CDH10: variants seen among roughly 807,000 people sequenced by gnomAD.
CDH10 encodes cadherin 10, also known as cadherin-10.
CDH10 carries 30 observed loss-of-function variants against 73.1 expected under a neutral mutation model. The ratio of observed to expected loss-of-function variants is 0.41; its 90% confidence interval spans 0.31 to 0.56. The LOEUF is 0.56. Among genes scored for constraint, CDH10 ranks in the 20% least tolerant of loss-of-function variants. CDH10 has a pLI of 0.27. For synonymous variants in CDH10, 345 were observed against 348.2 expected, an observed-to-expected ratio of 0.99 and a Z score of 0.10; for missense variants, 815 against 973.7, an observed-to-expected ratio of 0.84 and a Z score of 2.17.
At chr5:24,596,424 C>T (rs1746373770) in intron 1 of CDH10, among the ~76,000 whole-genome samples, 1 of 151,712 alleles carries the variant, frequency 6.6e-6, no homozygotes, top group Non-Finnish European at 1.5e-5. Flanking sequence ...TCATTTCATG[C>T]AAACAGCATA....
chr5:24,573,641 C>T (rs1182979506), intron 2 of CDH10, among the ~76,000 whole-genome samples: 1 of 147,358 alleles, frequency 6.8e-6, no homozygotes, highest in African/African-American at 2.5e-5. Context: ...GCGGAGCTTG[C>T]AGTGAGCGGA....
chr5:24,640,884 T>C (rs1309091620), intron 1 of CDH10, among the ~76,000 whole-genome samples: 2 of 151,906 alleles, frequency 1.3e-5, no homozygotes, highest in African/African-American at 4.8e-5. Context: ...TAAAGCACTT[T>C]CATTCTTAAA....
intron 2 of CDH10, among the ~76,000 whole-genome samples, chr5:24,576,811 G>A (rs922201315): frequency 5.9e-5 from 9 of 151,944 alleles, no homozygotes; most frequent in Admixed American, 2.6e-4. Flanking sequence ...TTAGTGACTA[G>A]TTTCCAAAAG....
rs1354492264 is a variant in CDH10 at position 24,509,809 on chromosome 5, T to G, written c.1013A>C (p.Tyr338Ser). The change falls in exon 7 of 12, where the codon TAT becomes TCT. Residue 338 changes from tyrosine to serine, a missense_variant. Coordinates refer to ENST00000264463, the MANE Select transcript of CDH10 (RefSeq NM_006727.5). Reference sequence around the variant, plus strand: ...CAGAGTATAAAGTCTTCGGCTCTCATAGTCGAGTGGCTGTATAAAAAAATA... The same window carrying G: ...CAGAGTATAAAGTCTTCGGCTCTCAGAGTCGAGTGGCTGTATAAAAAAATA... ...GIITVKKPLDYESRRLYTLKV... is the reference protein window; with the variant it reads ...GIITVKKPLDSESRRLYTLKV... The G allele has an allele frequency of 6.2e-7, 1 of 1,607,330 alleles. No individual in the cohort carries two copies. The highest frequency in any genetic ancestry group is 2.2e-5 in the East Asian group (1 of 44,814).
At chr5:24,492,283 G>A (rs561833376) in intron 10 of CDH10, among the ~76,000 whole-genome samples, 6 of 152,314 alleles carry the variant, frequency 3.9e-5, no homozygotes, top group African/African-American at 9.6e-5. Flanking sequence ...TAAATTTCAC[G>A]CATTGTTGCA....
At chr5:24,641,629 C>T (rs879846933) in intron 1 of CDH10, among the ~76,000 whole-genome samples, 11 of 151,906 alleles carry the variant, frequency 7.2e-5, no homozygotes, top group African/African-American at 1.4e-4. Context: ...AGTGTCATTC[C>T]GAGAACGCTT....
At chr5:24,526,677 C>T (rs1458201349) in intron 5 of CDH10, among the ~76,000 whole-genome samples, 3 of 151,918 alleles carry the variant, frequency 2.0e-5, no homozygotes, top group African/African-American at 7.2e-5. Flanking sequence ...AATTCCTCTT[C>T]TCTTCAGCAT....
chr5:24,610,281 C>G (rs1746899991), intron 1 of CDH10, among the ~76,000 whole-genome samples: 1 of 152,046 alleles, frequency 6.6e-6, no homozygotes, highest in Non-Finnish European at 1.5e-5. Flanking sequence ...GCAAAGAATC[C>G]TAAACATACA....
intron 5 of CDH10, among the ~76,000 whole-genome samples, chr5:24,522,200 TA>T (rs34132100): frequency 0.49 from 73,660 of 151,258 alleles, 18,029 homozygotes; most frequent in East Asian, 0.58. Context: ...TTGTGAGTGT[TA>T]AAAAAAAAGA....
intron 2 of CDH10, among the ~76,000 whole-genome samples, chr5:24,573,583 C>T: frequency 6.6e-6 from 1 of 151,258 alleles, no homozygotes; most frequent in Admixed American, 6.6e-5. Flanking sequence ...CACCTGTAGT[C>T]CCAGCTACTC....
At chr5:24,576,062 G>A (rs1745589441) in intron 2 of CDH10, among the ~76,000 whole-genome samples, 1 of 152,070 alleles carries the variant, frequency 6.6e-6, no homozygotes, top group Admixed American at 6.5e-5. Context: ...CTACAAACCT[G>A]CCAATAACAT....
At chr5:24,497,708 C>T (rs1299572843) in intron 9 of CDH10, among the ~76,000 whole-genome samples, 2 of 152,114 alleles carry the variant, frequency 1.3e-5, no homozygotes, top group Admixed American at 6.6e-5. Flanking sequence ...ATTTATACCA[C>T]GCAGCTTCCT....
chr5:24,592,706 G>A (rs1052661908), intron 2 of CDH10, among the ~76,000 whole-genome samples: 21 of 151,408 alleles, frequency 1.4e-4, no homozygotes, highest in African/African-American at 3.1e-4. Context: ...CTTCCTATTC[G>A]TTTTTCTTTA....
intron 2 of CDH10, among the ~76,000 whole-genome samples, chr5:24,568,325 A>T (rs749133073): frequency 2.0e-5 from 3 of 152,216 alleles, no homozygotes; most frequent in Non-Finnish European, 4.4e-5. Context: ...CAATTAAAAA[A>T]AGATCAAAGA....
At chr5:24,639,601 T>G (rs138283322) in intron 1 of CDH10, among the ~76,000 whole-genome samples, 1 of 151,826 alleles carries the variant, frequency 6.6e-6, no homozygotes, top group East Asian at 1.9e-4. Flanking sequence ...GTTTCCCAAA[T>G]TTCCAACTGG....
intron 11 of CDH10, among the ~76,000 whole-genome samples, chr5:24,489,466 T>C (rs74709658): frequency 0.011 from 1,657 of 152,268 alleles, 31 homozygotes; most frequent in African/African-American, 0.038. Context: ...ATATGCCATT[T>C]TATTTTGCCT....
intron 5 of CDH10, among the ~76,000 whole-genome samples, chr5:24,527,738 C>T (rs762204534): frequency 3.3e-5 from 5 of 151,676 alleles, no homozygotes; most frequent in Non-Finnish European, 5.9e-5. Context: ...ATAGGTGGTC[C>T]GTCATTGACT....
At chr5:24,510,623 T>TG (rs1742869689) in intron 6 of CDH10, among the ~76,000 whole-genome samples, 1 of 152,234 alleles carries the variant, frequency 6.6e-6, no homozygotes. Context: ...TGCTAGTCAC[T>TG]GTCCATTTAA....
In CDH10 at chr5:24,487,365, T is replaced by C; in HGVS notation, c.*298A>G. 1 of 260,784 alleles carries C rather than the reference T, an allele frequency of 3.8e-6. No homozygotes were observed. Among genetic ancestry groups the C allele is most frequent in the Non-Finnish European group, 7.3e-6 (1 of 136,516 alleles). 16.2% of individuals were successfully genotyped at this position (260,784 alleles called of 1,614,324 possible). On this transcript the variant is annotated 3_prime_UTR_variant, in exon 12 of 12. Transcript: ENST00000264463. The stretch of plus-strand genomic sequence containing the variant: ...TAACAGAAGCGGCTTGTTTGTGAGG[T>C]TGCTTAAGGGAGAACTATCCTGTTC...
Sources: allele counts gnomAD v4.1 joint callset (sites outside exome capture counted in the v4.1 genomes callset), GRCh38; gene constraint gnomAD v4.1.1; transcripts MANE v1.5; gene names NCBI Gene and HGNC (gene_info 2026-07-23, HGNC 2026-07-21).